Variants in FOXP1 observed in about 807,000 individuals in gnomAD.
The protein encoded by FOXP1 is forkhead box protein P1.
In FOXP1, 15 loss-of-function variants were observed where a neutral mutation model predicts 98.2. That is an observed-to-expected ratio of 0.15 (90% CI 0.10 to 0.24). FOXP1 has a LOEUF of 0.24. FOXP1 is among the 10% of genes least tolerant of loss of function. The pLI is 1.00. For missense variants in FOXP1, 633 were observed against 848.5 expected (o/e 0.75, Z 3.15); for synonymous variants, 371 against 314.5 (o/e 1.18, Z -1.90).
In FOXP1 at chr3:71,067,990, A is replaced by T. The variant is rs199915568; in HGVS notation, c.283-14217T>A. ...GAGGAAGCAGATACTGGATAATTAT[A>T]AAAAAAAAAAGCCATAATAATATAA... On this transcript the variant is annotated intron_variant, in intron 7 of 20. Transcript: ENST00000649528. Among the ~76,000 whole-genome samples the T allele has an allele frequency of 6.1e-3, 279 of 45,658 alleles. 3 individuals carry two copies. The highest frequency in any genetic ancestry group is 6.8e-3 in the Admixed American group (41 of 6,054). 30.0% of individuals were successfully genotyped at this position (45,658 alleles called of 152,430 possible).
intron 2 of FOXP1, among the ~76,000 whole-genome samples, chr3:71,552,312 A>G (rs9878279): frequency 0.081 from 12,258 of 152,156 alleles, 626 homozygotes; most frequent in African/African-American, 0.13. Context: ...CAAATATAAA[A>G]TGTACAAAAA....
intron 18 of FOXP1, chr3:70,972,203 G>GGAGA: frequency 6.6e-7 from 1 of 1,504,248 alleles, no homozygotes; most frequent in Non-Finnish European, 8.8e-7. Flanking sequence ...CAGCAGCAAA[G>GGAGA]GAGATGGAGT....
intron 7 of FOXP1, among the ~76,000 whole-genome samples, chr3:71,103,138 C>G (rs999033135): frequency 1.3e-5 from 2 of 151,994 alleles, no homozygotes; most frequent in Non-Finnish European, 2.9e-5. Context: ...GGGGTTGCAG[C>G]CTGGTCACAT....
At chr3:70,970,364 C>A (rs1434013778) in intron 19 of FOXP1, 1 of 273,536 alleles carries the variant, frequency 3.7e-6, no homozygotes, top group East Asian at 9.2e-5. Flanking sequence ...AACCCATGAA[C>A]AATAGAAGGT....
chr3:71,363,489 G>GA (rs1372068988), intron 3 of FOXP1, among the ~76,000 whole-genome samples: 1 of 152,178 alleles, frequency 6.6e-6, no homozygotes, highest in Admixed American at 6.5e-5. Context: ...CAACATGTGG[G>GA]AAGTAGATTC....
intron 5 of FOXP1, among the ~76,000 whole-genome samples, chr3:71,213,507 C>G (rs936768261): frequency 2.6e-5 from 4 of 152,144 alleles, no homozygotes; most frequent in African/African-American, 9.7e-5. Context: ...ATTTTTACCA[C>G]CACACAATTC....
At chr3:71,432,118 G>A (rs936902118) in intron 3 of FOXP1, among the ~76,000 whole-genome samples, 1 of 152,144 alleles carries the variant, frequency 6.6e-6, no homozygotes, top group Non-Finnish European at 1.5e-5. Flanking sequence ...GAAAGCAGAC[G>A]CTGACATCAG....
intron 13 of FOXP1, among the ~76,000 whole-genome samples, chr3:70,999,809 C>A (rs2041881720): frequency 6.6e-6 from 1 of 152,220 alleles, no homozygotes. Flanking sequence ...ATGTAATTAT[C>A]TTCTGTACTT....
chr3:71,381,381 G>A (rs969073403), intron 3 of FOXP1, among the ~76,000 whole-genome samples: 18 of 148,430 alleles, frequency 1.2e-4, no homozygotes, highest in Admixed American at 4.7e-4. Context: ...CTCGTGATCC[G>A]CCCTCCTCGG....
At chr3:71,465,444 C>T (rs1213113364) in intron 3 of FOXP1, among the ~76,000 whole-genome samples, 1 of 152,130 alleles carries the variant, frequency 6.6e-6, no homozygotes, top group Non-Finnish European at 1.5e-5. Flanking sequence ...AACTGAGGCA[C>T]TGGGTGCTTA....
At chr3:71,176,743 C>CAA (rs573639526) in intron 6 of FOXP1, among the ~76,000 whole-genome samples, 52 of 75,544 alleles carry the variant, frequency 6.9e-4, no homozygotes, top group African/African-American at 2.8e-3. Context: ...GAGGCTATCT[C>CAA]AAAAAAAAAA....
intron 6 of FOXP1, among the ~76,000 whole-genome samples, chr3:71,175,250 T>A (rs1021617773): frequency 6.6e-6 from 1 of 152,222 alleles, no homozygotes; most frequent in Non-Finnish European, 1.5e-5. Flanking sequence ...GGCAAATATG[T>A]AAGCCACCCA....
At chr3:71,287,882 C>CAT (rs147431947) in intron 5 of FOXP1, among the ~76,000 whole-genome samples, 3,824 of 151,982 alleles carry the variant, frequency 0.025, 190 homozygotes, top group East Asian at 0.18. Flanking sequence ...ACTTCTTCTT[C>CAT]ATATATATAT....
At chr3:71,245,759 C>T (rs1480849390) in intron 5 of FOXP1, among the ~76,000 whole-genome samples, 1 of 152,006 alleles carries the variant, frequency 6.6e-6, no homozygotes, top group Non-Finnish European at 1.5e-5. Flanking sequence ...AGGATGGTTA[C>T]TTTTACATGA....
At chr3:71,323,268 G>A (rs1221222366) in intron 4 of FOXP1, among the ~76,000 whole-genome samples, 1 of 152,072 alleles carries the variant, frequency 6.6e-6, no homozygotes, top group African/African-American at 2.4e-5. Flanking sequence ...TATAGTCAGG[G>A]TTGAAAACCA....
intron 2 of FOXP1, among the ~76,000 whole-genome samples, chr3:71,535,086 G>T (rs1219762681): frequency 6.6e-6 from 1 of 152,164 alleles, no homozygotes; most frequent in South Asian, 2.1e-4. Context: ...TTTAGTAATA[G>T]TGCAAATGAT....
chr3:71,417,565 A>ATT lies in FOXP1; in HGVS notation c.-167-58323_-167-58322dup, dbSNP rs11392571. Among the ~76,000 whole-genome samples the ATT allele has an allele frequency of 1.9e-3, 295 of 151,688 alleles. 3 individuals are homozygous for ATT. The highest frequency in any genetic ancestry group is 3.1e-3 in the South Asian group (15 of 4,784). ...TAAAAACCACATGGAGCTTCTTGTG[A>ATT]TTTTTTTTTCACATCTGAGACAATC... On this transcript the variant is annotated intron_variant, in intron 3 of 20. Coordinates refer to ENST00000649528, the MANE Select transcript of FOXP1 (RefSeq NM_001349338.3).
At chr3:71,133,988 G>T (rs1214365091) in intron 6 of FOXP1, among the ~76,000 whole-genome samples, 1 of 152,068 alleles carries the variant, frequency 6.6e-6, no homozygotes, top group African/African-American at 2.4e-5. Flanking sequence ...CCCTTAAACG[G>T]GAAGGCTTGG....
chr3:71,275,694 T>C (rs2070808590), intron 5 of FOXP1, among the ~76,000 whole-genome samples: 1 of 152,040 alleles, frequency 6.6e-6, no homozygotes, highest in African/African-American at 2.4e-5. Context: ...TGGAAGAAAA[T>C]CATTTGAACC....
Sources: allele counts gnomAD v4.1 joint callset (sites outside exome capture counted in the v4.1 genomes callset), GRCh38; gene constraint gnomAD v4.1.1; transcripts MANE v1.5; gene names NCBI Gene and HGNC (gene_info 2026-07-23, HGNC 2026-07-21).